The following ABHD5 variants were observed in gnomAD, a reference collection of about 807,000 sequenced individuals.
The protein encoded by ABHD5 is 1-acylglycerol-3-phosphate O-acyltransferase ABHD5.
A neutral mutation model predicts 44.9 loss-of-function variants in ABHD5; 30 were observed. That is an observed-to-expected ratio of 0.67 (90% confidence interval 0.50 to 0.91). ABHD5 has a LOEUF of 0.91. Among genes scored for constraint, ABHD5 ranks in the 40% least tolerant of loss-of-function variants. ABHD5 has a pLI of 0.00. For synonymous variants in ABHD5, 167 were observed against 147.0 expected, an observed-to-expected ratio of 1.14 and a Z score of -0.99; for missense variants, 399 against 423.4, an observed-to-expected ratio of 0.94 and a Z score of 0.50.
chr3:43,714,115 T>C (rs535686645), intron 4 of ABHD5, among the ~76,000 whole-genome samples: 20 of 151,220 alleles, frequency 1.3e-4, no homozygotes, highest in Middle Eastern at 6.8e-3. Context: ...TTCTTTTCTT[T>C]TCTTTCTTTC....
downstream of ABHD5, among the ~76,000 whole-genome samples, chr3:43,725,353 T>A (rs1261962396): frequency 6.6e-6 from 1 of 152,210 alleles, no homozygotes; most frequent in Non-Finnish European, 1.5e-5. Context: ...TTTTTAAAAA[T>A]GTTATATTAA....
intron 3 of ABHD5, among the ~76,000 whole-genome samples, chr3:43,706,719 A>G (rs1027824169): frequency 1.3e-5 from 2 of 152,134 alleles, no homozygotes; most frequent in African/African-American, 4.8e-5. Context: ...AACTGCCGGG[A>G]TTACAGGCAT....
At chr3:43,695,832 A>C (rs2084467112) in intron 1 of ABHD5, among the ~76,000 whole-genome samples, 1 of 152,226 alleles carries the variant, frequency 6.6e-6, no homozygotes, top group African/African-American at 2.4e-5. Context: ...CTTAGGTAAA[A>C]TATACTCTAT....
At chr3:43,728,172 T>C (rs541322217) in intron 7 of ABHD5, among the ~76,000 whole-genome samples, 1 of 152,338 alleles carries the variant, frequency 6.6e-6, no homozygotes, top group Admixed American at 6.5e-5. Context: ...GTTGGAGCCA[T>C]GCTGATTCAT....
downstream of ABHD5, among the ~76,000 whole-genome samples, chr3:43,724,238 A>G (rs545574536): frequency 6.8e-4 from 104 of 152,276 alleles, no homozygotes; most frequent in African/African-American, 2.4e-3. Flanking sequence ...GAAAGTGGGT[A>G]ATAGCTGGAG....
At chr3:43,713,322 C>CA (rs78532050) in intron 4 of ABHD5, among the ~76,000 whole-genome samples, 2,673 of 45,606 alleles carry the variant, frequency 0.059, 67 homozygotes, top group Middle Eastern at 0.16. Context: ...GACCCTGTCT[C>CA]AAAAAAAAAA....
At chr3:43,726,254 G>A (rs1249658300), downstream of ABHD5, among the ~76,000 whole-genome samples, 4 of 152,152 alleles carry the variant, frequency 2.6e-5, no homozygotes, top group Non-Finnish European at 5.9e-5. Flanking sequence ...TACCAGACAC[G>A]AATGACTGGT....
upstream of ABHD5, chr3:43,690,908 CT>C: frequency 6.9e-7 from 1 of 1,443,342 alleles, no homozygotes; most frequent in South Asian, 1.3e-5. Context: ...CCTGCGCCGC[CT>C]TAAGTGCCGC....
At chr3:43,709,142 A>G (rs948409388) in intron 3 of ABHD5, among the ~76,000 whole-genome samples, 1 of 152,240 alleles carries the variant, frequency 6.6e-6, no homozygotes, top group Non-Finnish European at 1.5e-5. Flanking sequence ...AAATGTGGAA[A>G]AGCATATTAA....
chr3:43,732,856 TTGAG>T (rs1443064808), intron 7 of ABHD5, among the ~76,000 whole-genome samples: 2 of 152,150 alleles, frequency 1.3e-5, no homozygotes, highest in African/African-American at 4.8e-5. Context: ...GGCTTCCTCT[TTGAG>T]TGAGGAAGGA....
chr3:43,707,087 G>T (rs1033714968), intron 3 of ABHD5, among the ~76,000 whole-genome samples: 2 of 152,060 alleles, frequency 1.3e-5, no homozygotes, highest in African/African-American at 4.8e-5. Flanking sequence ...GATTACAGGC[G>T]TGAGCCACTG....
At position 43,721,815 on chromosome 3, in the gene ABHD5, A is replaced by G. The variant is rs1380214692; in HGVS notation, c.*3283A>G. 1 of 152,230 alleles carries G rather than the reference A, an allele frequency of 6.6e-6. No homozygotes were observed. The highest frequency in any genetic ancestry group is 1.9e-4 in the East Asian group (1 of 5,198). The allele number at this position is 152,230 out of a possible 1,614,324, so 9.4% of individuals were successfully genotyped here. A position where few individuals can be genotyped will look rare whatever the true frequency, so the allele number is the denominator to read the frequency against. On this transcript the variant is annotated 3_prime_UTR_variant, in exon 7 of 7. Coordinates refer to ENST00000644371, the MANE Select transcript of ABHD5 (RefSeq NM_016006.6). Reference sequence around the variant, plus strand: ...AAGAACCCGAAGAATAGGCAAAAGGATGTGAACAGACAGTTAACAGAAAAT... The same window carrying G: ...AAGAACCCGAAGAATAGGCAAAAGGGTGTGAACAGACAGTTAACAGAAAAT...
chr3:43,703,214 C>T (rs866469695), intron 3 of ABHD5, among the ~76,000 whole-genome samples: 73 of 149,758 alleles, frequency 4.9e-4, no homozygotes, highest in Admixed American at 1.9e-3. Context: ...GAAGCTCGCT[C>T]TGTCACCCAG....
chr3:43,711,658 T>G, intron 3 of ABHD5, 51 bp from the exon 4 acceptor site: 1 of 1,601,852 alleles, frequency 6.2e-7, no homozygotes, highest in Non-Finnish European at 8.6e-7. Context: ...CTCTTTATAG[T>G]CTTAGGGTGA....
intron 3 of ABHD5, among the ~76,000 whole-genome samples, chr3:43,707,981 C>G (rs1175993127): frequency 6.6e-6 from 1 of 152,152 alleles, no homozygotes; most frequent in Non-Finnish European, 1.5e-5. Context: ...CTTTAAATCT[C>G]ATGAAGGTCA....
chr3:43,718,521 A>G lies in ABHD5; in HGVS notation c.1039A>G (p.Thr347Ala), dbSNP rs1025723453. The change falls in exon 7 of 7, where the codon ACT becomes GCT. Residue 347 changes from threonine to alanine, a missense_variant. Transcript: ENST00000644371. ...FNQKVKEICD[T>A]VD is the part of the protein sequence containing the mutation. ...CCAGAAAGTAAAGGAGATCTGCGACACTGTGGACTGAACACACTGAAGCTC... is the reference window on the plus strand; with the variant it reads ...CCAGAAAGTAAAGGAGATCTGCGACGCTGTGGACTGAACACACTGAAGCTC... 1 of 1,614,128 alleles carries G rather than the reference A, an allele frequency of 6.2e-7. No homozygotes were observed. The highest frequency in any genetic ancestry group is 8.5e-7 in the Non-Finnish European group (1 of 1,179,958).
At position 43,718,764 on chromosome 3, in the gene ABHD5, A is replaced by G. The variant is rs1426789004; in HGVS notation, c.*232A>G. On this transcript the variant is annotated 3_prime_UTR_variant, in exon 7 of 7. Coordinates refer to ENST00000644371, the MANE Select transcript of ABHD5 (RefSeq NM_016006.6). Reference sequence around the variant, plus strand: ...AATTGAAATATACAAGTCTCTAAATATAATACCTTTAAATAAAAGGTTATT... The same window carrying G: ...AATTGAAATATACAAGTCTCTAAATGTAATACCTTTAAATAAAAGGTTATT... 2 of 481,966 alleles carry G rather than the reference A, an allele frequency of 4.1e-6. No homozygotes were observed. Among genetic ancestry groups the G allele is most frequent in the Non-Finnish European group, 3.7e-6 (1 of 269,066 alleles). 29.9% of individuals were successfully genotyped at this position (481,966 alleles called of 1,614,324 possible).
intron 3 of ABHD5, among the ~76,000 whole-genome samples, chr3:43,708,264 C>A (rs920677447): frequency 1.3e-5 from 2 of 152,208 alleles, no homozygotes; most frequent in Non-Finnish European, 2.9e-5. Flanking sequence ...GGATGACTCA[C>A]ATGTGCTATC....
chr3:43,728,354 C>T (rs2084891369), intron 7 of ABHD5, among the ~76,000 whole-genome samples: 1 of 152,138 alleles, frequency 6.6e-6, no homozygotes, highest in Non-Finnish European at 1.5e-5. Flanking sequence ...CGCCAGGGCA[C>T]CAACTATGGG....
Sources: gnomAD v4.1 joint callset for allele counts (sites outside exome capture counted in the v4.1 genomes callset) on GRCh38, gnomAD v4.1.1 for gene constraint, MANE v1.5 for transcripts, NCBI Gene and HGNC (gene_info 2026-07-23, HGNC 2026-07-21) for gene names.